GPLD1: variants seen among roughly 807,000 people sequenced by gnomAD.
GPLD1 encodes the protein phosphatidylinositol-glycan-specific phospholipase D.
Under a neutral mutation model 112.6 loss-of-function variants are expected in GPLD1, and 84 were observed. The ratio of observed to expected loss-of-function variants is 0.75; its 90% CI spans 0.63 to 0.89. The LOEUF (loss-of-function observed/expected upper bound fraction) is 0.89. Among genes scored for constraint, GPLD1 ranks in the 40% least tolerant of loss-of-function variants. The pLI, the probability that GPLD1 is intolerant of heterozygous loss-of-function variation, is 0.00. For missense variants in GPLD1, 1,044 were observed against 1,051.5 expected (o/e 0.99, Z 0.10); for synonymous variants, 386 against 403.8 (o/e 0.96, Z 0.53).
chr6:24,460,739 ATTTT>A (rs535822410), intron 11 of GPLD1, among the ~76,000 whole-genome samples: 4 of 139,486 alleles, frequency 2.9e-5, no homozygotes, highest in Non-Finnish European at 4.6e-5. Flanking sequence ...AAGCATACTG[ATTTT>A]TTTTTTTTTT....
At chr6:24,478,549 G>A (rs776873729) in intron 3 of GPLD1, among the ~76,000 whole-genome samples, 2 of 152,204 alleles carry the variant, frequency 1.3e-5, no homozygotes, top group Non-Finnish European at 2.9e-5. Context: ...CTTGTAGGGT[G>A]ACTCTGAGGT....
intron 13 of GPLD1, among the ~76,000 whole-genome samples, chr6:24,455,669 T>C (rs1203575545): frequency 6.6e-6 from 1 of 152,212 alleles, no homozygotes; most frequent in Non-Finnish European, 1.5e-5. Context: ...TAAATCACTA[T>C]AACAGCTATC....
intron 5 of GPLD1, 28 bp downstream of exon 5, chr6:24,475,093 G>T: frequency 8.9e-7 from 1 of 1,123,542 alleles, no homozygotes; most frequent in Admixed American, 1.7e-5. Flanking sequence ...CTCCCATAAA[G>T]TCATTCCCCA....
chr6:24,484,731 C>G (rs1764315922), intron 2 of GPLD1, among the ~76,000 whole-genome samples: 1 of 152,208 alleles, frequency 6.6e-6, no homozygotes. Context: ...TACTTGCCGT[C>G]AAGGTCAATG....
rs1258964210 is a variant in GPLD1 at position 24,472,698 on chromosome 6, T to C, written c.491-62A>G. ...AGTGACAAACATAGCATGCATCTAT[T>C]CAACATGAGGTCTGACAAGTTGGAT... On this transcript the variant is annotated intron_variant, in intron 6 of 24. Coordinates refer to ENST00000230036, the MANE Select transcript of GPLD1 (RefSeq NM_001503.4). The C allele has an allele frequency of 3.4e-6, 3 of 872,130 alleles. No individual in the cohort carries two copies. In the East Asian group the frequency reaches 7.2e-5, roughly 21 times the overall value. 54.0% of individuals were successfully genotyped at this position (872,130 alleles called of 1,614,324 possible).
intron 10 of GPLD1, among the ~76,000 whole-genome samples, chr6:24,463,316 A>G (rs1011883468): frequency 2.0e-4 from 31 of 152,350 alleles, no homozygotes; most frequent in African/African-American, 7.2e-4. Flanking sequence ...AACACTGAAC[A>G]GAAGCACTGA....
chr6:24,473,603 T>C lies in GPLD1; in HGVS notation c.490+16A>G, dbSNP rs141634400. 7.7e-6 allele frequency: 12 copies of C among 1,556,062 alleles called. No individual in the cohort carries two copies. The highest frequency in any genetic ancestry group is 9.8e-6 in the Non-Finnish European group (11 of 1,127,824). ...CTATACCACGAGAAAATTTAGCAAA[T>C]GTAAATAAACAGTACCAAAATCACC... On this transcript the variant is annotated intron_variant, in intron 6 of 24. Coordinates refer to ENST00000230036, the MANE Select transcript of GPLD1 (RefSeq NM_001503.4).
In GPLD1 at chr6:24,439,267, G is replaced by A. The variant is rs576941382; in HGVS notation, c.2021-1978C>T. Among the ~76,000 whole-genome samples, 3 of 152,348 alleles carry A rather than the reference G, an allele frequency of 2.0e-5. No individual in the cohort carries two copies. The South Asian group carries it at 6.2e-4, about 32-fold the overall frequency. Reference sequence around the variant, plus strand: ...TGAACACTGGCCCCAGTGCATGTGGGAGAATCTCAGAGAAGTCACCCCAAG... The same window carrying A: ...TGAACACTGGCCCCAGTGCATGTGGAAGAATCTCAGAGAAGTCACCCCAAG... On this transcript the variant is annotated intron_variant, in intron 20 of 24. Coordinates refer to ENST00000230036, the MANE Select transcript of GPLD1 (RefSeq NM_001503.4).
In GPLD1 at chr6:24,465,196, CAA is replaced by C. The variant is rs34368143; in HGVS notation, c.821+1482_821+1483del. Among the ~76,000 whole-genome samples the C allele has an allele frequency of 4.2e-3, 422 of 101,280 alleles. 2 individuals carry two copies. Among genetic ancestry groups the C allele is most frequent in the African/African-American group, 0.01 (294 of 28,206 alleles). The allele number at this position is 101,280 out of a possible 152,430, so 66.4% of individuals were successfully genotyped here. ...TGGGCAACAGAGCAAGACTCTGTCT[CAA>C]AAAAAAAAAAAAAAAGAAAAGAAAA... On this transcript the variant is annotated intron_variant, in intron 10 of 24. Transcript: ENST00000230036.
At chr6:24,424,858 T>C (rs1488221353), downstream of GPLD1, 20 of 152,186 alleles carry the variant, frequency 1.3e-4, no homozygotes, top group Non-Finnish European at 1.5e-5. Flanking sequence ...GGAGTCCATT[T>C]TTCAGGTGGT....
chr6:24,491,647 G>A (rs1401595261), upstream of GPLD1, among the ~76,000 whole-genome samples: 1 of 152,000 alleles, frequency 6.6e-6, no homozygotes, highest in Non-Finnish European at 1.5e-5. Flanking sequence ...AGTGAAGGTT[G>A]CAGTGAGCTG....
At chr6:24,462,545 C>T (rs1173231376) in intron 11 of GPLD1, among the ~76,000 whole-genome samples, 185 bp downstream of exon 11, 1 of 152,062 alleles carries the variant, frequency 6.6e-6, no homozygotes, top group African/African-American at 2.4e-5. Context: ...TTCCATTTTG[C>T]AAAAGGAGGA....
In GPLD1 at chr6:24,466,736, T is replaced by C. The variant is rs1484597888; in HGVS notation, c.765A>G (p.Ala255=). 1.9e-6 allele frequency: 3 copies of C among 1,611,492 alleles called. No individual in the cohort carries two copies. Among genetic ancestry groups the C allele is most frequent in the African/African-American group, 2.7e-5 (2 of 74,894 alleles). Residue 255 remains alanine, a synonymous_variant, in exon 10 of 25, where the codon GCA becomes GCG. Coordinates refer to ENST00000230036, the MANE Select transcript of GPLD1 (RefSeq NM_001503.4). ...GATGGTAAATATTAGTGGACCAAAA[T>C]GCCATATCATCCAGTCCTCCAAGAA... ...EYFLGGLDDM[A]FWSTNIYHLT...
rs530785484 is a variant in GPLD1, at chr6:24,494,883, G to C, written n.239+84C>G. Reference sequence around the variant, plus strand: ...TCTGCAACCTTCCGCCAGCTCCCACGCTTTCCCCGCGCGTCCCCGGCGCCT... The same window carrying C: ...TCTGCAACCTTCCGCCAGCTCCCACCCTTTCCCCGCGCGTCCCCGGCGCCT... On this transcript the variant is annotated intron_variant and non_coding_transcript_variant, in intron 1 of 10. Coordinates refer to the GPLD1 transcript ENST00000474784. 5.0e-5 allele frequency: 58 copies of C among 1,159,492 alleles called. No homozygotes were observed. In the African/African-American group the frequency reaches 7.2e-4, roughly 14 times the overall value. 71.8% of individuals were successfully genotyped at this position (1,159,492 alleles called of 1,614,324 possible).
At chr6:24,479,667 A>G (rs1389992285) in intron 3 of GPLD1, among the ~76,000 whole-genome samples, 6 of 152,246 alleles carry the variant, frequency 3.9e-5, no homozygotes, top group African/African-American at 7.2e-5. Context: ...ATGCTTAACT[A>G]GGTCAGTTAT....
chr6:24,464,359 C>A (rs1763529989), intron 10 of GPLD1, among the ~76,000 whole-genome samples: 1 of 152,126 alleles, frequency 6.6e-6, no homozygotes, highest in African/African-American at 2.4e-5. Context: ...AAATTCTGTA[C>A]AACCACGGCA....
At chr6:24,485,088 T>C (rs988425501) in intron 2 of GPLD1, among the ~76,000 whole-genome samples, 9 of 152,348 alleles carry the variant, frequency 5.9e-5, no homozygotes, top group Admixed American at 2.0e-4. Context: ...ATATGGAATA[T>C]AGCAGGAGTT....
Position 24,453,120 on chromosome 6 carries a change from C to T in GPLD1, c.1335+895G>A, listed in dbSNP as rs373837860. ...ATTAATGCTTGGACTCCACGAGGAACGTTTGTAGTCACTGCGGGTTTTTTC... is the reference window on the plus strand; with the variant it reads ...ATTAATGCTTGGACTCCACGAGGAATGTTTGTAGTCACTGCGGGTTTTTTC... On this transcript the variant is annotated intron_variant, in intron 14 of 24. Coordinates refer to ENST00000230036, the MANE Select transcript of GPLD1 (RefSeq NM_001503.4). Among the ~76,000 whole-genome samples, 7 of 152,146 alleles carry T rather than the reference C, an allele frequency of 4.6e-5. No homozygotes were observed. In the East Asian group the frequency reaches 1.2e-3, roughly 25 times the overall value.
chr6:24,427,165 A>C lies in GPLD1; in HGVS notation c.*1867T>G, dbSNP rs916232668. ...ATAAACTAGTTACTGTTTACAGATA[A>C]TGCCCGCTAATGTTTACTGAAACTG... On this transcript the variant is annotated 3_prime_UTR_variant, in exon 25 of 25. Coordinates refer to ENST00000230036, the MANE Select transcript of GPLD1 (RefSeq NM_001503.4). 6.6e-6 allele frequency among the ~76,000 whole-genome samples: 1 copy of C among 152,224 alleles called. No homozygotes were observed. Among genetic ancestry groups the C allele is most frequent in the Non-Finnish European group, 1.5e-5 (1 of 68,036 alleles).
Sources: gnomAD v4.1 joint callset for allele counts (sites outside exome capture counted in the v4.1 genomes callset) on GRCh38, gnomAD v4.1.1 for gene constraint, MANE v1.5 for transcripts, NCBI Gene and HGNC (gene_info 2026-07-23, HGNC 2026-07-21) for gene names.